The following IMMP2L variants were observed in gnomAD, a reference collection of about 807,000 sequenced individuals.
The protein encoded by IMMP2L is inner mitochondrial membrane peptidase subunit 2.
In IMMP2L, 18 loss-of-function variants were observed where a neutral mutation model predicts 19.3. That is an observed-to-expected ratio of 0.93 (90% CI 0.64 to 1.38). IMMP2L has a LOEUF of 1.38. Ranked by LOEUF, IMMP2L falls within the 40% of genes most tolerant of loss-of-function variation. IMMP2L has a pLI of 0.00. For missense variants in IMMP2L, 233 were observed against 218.2 expected (o/e 1.07, Z -0.43); for synonymous variants, 76 against 73.0 (o/e 1.04, Z -0.21).
intron 3 of IMMP2L, among the ~76,000 whole-genome samples, chr7:110,964,462 G>C (rs1819320039): frequency 6.6e-6 from 1 of 151,946 alleles, no homozygotes; most frequent in Non-Finnish European, 1.5e-5. Flanking sequence ...GATGATTATA[G>C]AATTCAGAGC....
intron 5 of IMMP2L, among the ~76,000 whole-genome samples, chr7:110,738,443 T>A (rs1047648347): frequency 2.0e-5 from 3 of 152,072 alleles, no homozygotes; most frequent in African/African-American, 7.2e-5. Context: ...AATAGTCTCA[T>A]CCATCAAACA....
chr7:110,742,280 C>T (rs1797035751), intron 5 of IMMP2L, among the ~76,000 whole-genome samples: 1 of 151,816 alleles, frequency 6.6e-6, no homozygotes, highest in African/African-American at 2.4e-5. Flanking sequence ...ATAACATAAC[C>T]AAAAGGCTTA....
chr7:110,810,930 C>T (rs1322520610), intron 5 of IMMP2L, among the ~76,000 whole-genome samples: 2 of 152,072 alleles, frequency 1.3e-5, no homozygotes, highest in East Asian at 1.9e-4. Flanking sequence ...TGCTGAGATG[C>T]GTAAAGCTGA....
intron 5 of IMMP2L, among the ~76,000 whole-genome samples, chr7:110,696,858 T>C (rs932675542): frequency 3.3e-5 from 5 of 152,090 alleles, no homozygotes; most frequent in African/African-American, 9.7e-5. Flanking sequence ...TGTCATTAGT[T>C]AAAAAAAGTA....
intron 4 of IMMP2L, among the ~76,000 whole-genome samples, chr7:110,921,537 T>A (rs991242744): frequency 2.6e-5 from 4 of 152,220 alleles, no homozygotes; most frequent in African/African-American, 9.6e-5. Context: ...TTTATTCAAA[T>A]TACCCTCCCT....
intron 3 of IMMP2L, among the ~76,000 whole-genome samples, chr7:111,406,501 T>C (rs1161835743): frequency 6.6e-6 from 1 of 152,082 alleles, no homozygotes; most frequent in African/African-American, 2.4e-5. Context: ...TCAAAAGCCA[T>C]GCAAGGTGTG....
At chr7:111,384,735 C>G (rs1831567226) in intron 3 of IMMP2L, among the ~76,000 whole-genome samples, 1 of 152,104 alleles carries the variant, frequency 6.6e-6, no homozygotes, top group Admixed American at 6.6e-5. Context: ...GTAAACAGAA[C>G]TGGGGCCAGA....
intron 3 of IMMP2L, among the ~76,000 whole-genome samples, chr7:111,474,625 C>T (rs536047649): frequency 7.9e-5 from 12 of 151,544 alleles, no homozygotes; most frequent in African/African-American, 2.9e-4. Context: ...TCATTAAATA[C>T]ACTCCCCTCC....
At chr7:111,076,434 T>C (rs958591120) in intron 3 of IMMP2L, among the ~76,000 whole-genome samples, 2 of 152,096 alleles carry the variant, frequency 1.3e-5, no homozygotes, top group Non-Finnish European at 2.9e-5. Context: ...ATGTGGGGAT[T>C]TTTTGTTTTT....
At chr7:110,797,674 G>C (rs887622087) in intron 5 of IMMP2L, among the ~76,000 whole-genome samples, 2 of 151,896 alleles carry the variant, frequency 1.3e-5, no homozygotes, top group Non-Finnish European at 2.9e-5. Flanking sequence ...TTATTCACTG[G>C]GAACTGATTA....
At chr7:110,844,443 T>C (rs1805437816) in intron 5 of IMMP2L, among the ~76,000 whole-genome samples, 2 of 151,952 alleles carry the variant, frequency 1.3e-5, no homozygotes, top group Non-Finnish European at 1.5e-5. Flanking sequence ...AAGAGTTCAG[T>C]ATGAAATGGA....
rs528478777 is a variant in IMMP2L at position 111,036,559 on chromosome 7, G to C, written c.240-72994C>G. Among the ~76,000 whole-genome samples, 146 of 152,122 alleles carry C rather than the reference G, an allele frequency of 9.6e-4. 1 individual carries two copies. Among genetic ancestry groups the C allele is most frequent in the African/African-American group, 3.4e-3 (140 of 41,512 alleles). On this transcript the variant is annotated intron_variant, in intron 3 of 5. Coordinates refer to ENST00000405709, the MANE Select transcript of IMMP2L (RefSeq NM_032549.4). ...TAAGCATCAGGATCCTCTAGGGCAG[G>C]ATCTTTGTTCTCTTTCATTCAGAAG...
chr7:111,066,119 C>T (rs894462566), intron 3 of IMMP2L, among the ~76,000 whole-genome samples: 3 of 151,758 alleles, frequency 2.0e-5, no homozygotes, highest in Non-Finnish European at 4.4e-5. Context: ...GCTGGGACTA[C>T]AGGTGCACGT....
chr7:110,811,372 G>A (rs1039285056), intron 5 of IMMP2L, among the ~76,000 whole-genome samples: 4 of 151,900 alleles, frequency 2.6e-5, no homozygotes, highest in African/African-American at 7.2e-5. Context: ...AATCTATGAA[G>A]GCCTTAATGC....
chr7:111,483,092 A>T (rs766562201), intron 3 of IMMP2L, among the ~76,000 whole-genome samples: 8 of 152,196 alleles, frequency 5.3e-5, no homozygotes, highest in Admixed American at 1.3e-4. Context: ...ATAATATTCT[A>T]CTGATGTCAA....
At chr7:110,986,154 G>T (rs895753556) in intron 3 of IMMP2L, among the ~76,000 whole-genome samples, 1 of 152,174 alleles carries the variant, frequency 6.6e-6, no homozygotes, top group East Asian at 1.9e-4. Flanking sequence ...CTGTCATACA[G>T]TATCAATGAT....
In IMMP2L at chr7:111,459,960, T is replaced by A. The variant is rs1231284453; in HGVS notation, c.239+27278A>T. Among the ~76,000 whole-genome samples the A allele has an allele frequency of 3.3e-5, 5 of 152,280 alleles. No homozygotes were observed. The East Asian group carries it at 9.6e-4, about 29-fold the overall frequency. On this transcript the variant is annotated intron_variant, in intron 3 of 5. Coordinates refer to ENST00000405709, the MANE Select transcript of IMMP2L (RefSeq NM_032549.4). ...GACTTGGAAAATCAGAGAATTTGAA[T>A]AAAGTTATCTTAGATTTCAATGAAA...
chr7:111,453,888 T>G (rs1839448258), intron 3 of IMMP2L, among the ~76,000 whole-genome samples: 1 of 152,194 alleles, frequency 6.6e-6, no homozygotes, highest in Non-Finnish European at 1.5e-5. Flanking sequence ...AATGGATCAA[T>G]GAGTATTTCC....
intron 5 of IMMP2L, among the ~76,000 whole-genome samples, chr7:110,854,052 C>T (rs1035706259): frequency 1.4e-4 from 22 of 151,810 alleles, no homozygotes; most frequent in African/African-American, 5.1e-4. Flanking sequence ...GCAAAAGAGC[C>T]TATGTCTTAC....
Sources: gnomAD v4.1 joint callset for allele counts (sites outside exome capture counted in the v4.1 genomes callset) on GRCh38, gnomAD v4.1.1 for gene constraint, MANE v1.5 for transcripts, NCBI Gene and HGNC (gene_info 2026-07-23, HGNC 2026-07-21) for gene names.